Variants in DAB1 observed in about 807,000 individuals in gnomAD.
The protein encoded by DAB1 is DAB adaptor protein 1.
DAB1 carries 15 observed loss-of-function variants against 64.6 expected under a neutral mutation model. The observed-to-expected ratio is 0.23, with a 90% confidence interval of 0.16 to 0.36. DAB1 has a LOEUF of 0.36. Among genes scored for constraint, DAB1 ranks in the 10% least tolerant of loss-of-function variants. The probability of loss-of-function intolerance (pLI) is 1.00; values close to 1 mark genes in which losing one functional copy is unlikely to be tolerated. For missense variants in DAB1, 596 were observed against 706.7 expected (o/e 0.84, Z 1.78); for synonymous variants, 235 against 251.9 (o/e 0.93, Z 0.64).
intron 4 of DAB1, among the ~76,000 whole-genome samples, chr1:58,287,333 A>T (rs1439925873): frequency 1.3e-5 from 2 of 152,188 alleles, no homozygotes; most frequent in Non-Finnish European, 1.5e-5. Flanking sequence ...TAAAATTTAA[A>T]AAAAGATACA....
At chr1:58,437,011 A>C (rs114961683) in intron 3 of DAB1, among the ~76,000 whole-genome samples, 1,549 of 152,348 alleles carry the variant, frequency 0.01, 28 homozygotes, top group African/African-American at 0.036. Context: ...GGACCTCGAC[A>C]ACAGCCCAGT....
At chr1:58,381,059 C>T (rs527776954) in intron 3 of DAB1, among the ~76,000 whole-genome samples, 1 of 152,262 alleles carries the variant, frequency 6.6e-6, no homozygotes, top group East Asian at 1.9e-4. Flanking sequence ...AAACCAAACA[C>T]CACATGTTTT....
chr1:57,735,429 A>G (rs2101780912), intron 6 of DAB1, among the ~76,000 whole-genome samples: 1 of 152,270 alleles, frequency 6.6e-6, no homozygotes, highest in African/African-American at 2.4e-5. Context: ...TTAAGCAGTC[A>G]TTCACTCAGT....
rs1416407122 is a variant in DAB1, at chr1:57,984,248, GAAAGAAAGAA to G, written n.388-100096_388-100087del. ...AGAAAGAAAGAAAGAAAGAAAGAAA[GAAAGAAAGAA>G]AGAAAAAAAATTAAACAGCCAAACC... On this transcript the variant is annotated intron_variant and non_coding_transcript_variant, in intron 5 of 20. Coordinates refer to the DAB1 transcript ENST00000485760. 3.0e-3 allele frequency among the ~76,000 whole-genome samples: 417 copies of G among 139,078 alleles called. 10 individuals are homozygous for G. The highest frequency in any genetic ancestry group is 9.1e-3 in the African/African-American group (338 of 37,114). The allele number at this position is 139,078 out of a possible 152,430, so 91.2% of individuals were successfully genotyped here.
chr1:57,965,933 A>C (rs994193819), intron 5 of DAB1, among the ~76,000 whole-genome samples: 9 of 150,820 alleles, frequency 6.0e-5, no homozygotes, highest in African/African-American at 2.0e-4. Flanking sequence ...ATCATCTTTA[A>C]ATGGCGGGGG....
intron 5 of DAB1, among the ~76,000 whole-genome samples, chr1:57,912,019 T>A (rs1347285546): frequency 6.6e-6 from 1 of 152,230 alleles, no homozygotes; most frequent in Admixed American, 6.5e-5. Context: ...CTGACTGATA[T>A]ACGTCCAGCG....
At chr1:57,950,502 T>C (rs753063443) in intron 5 of DAB1, among the ~76,000 whole-genome samples, 1 of 152,182 alleles carries the variant, frequency 6.6e-6, no homozygotes, top group Non-Finnish European at 1.5e-5. Context: ...TTCTAAAACA[T>C]AAATGGGATC....
At chr1:57,798,813 A>G (rs1650991126) in intron 6 of DAB1, among the ~76,000 whole-genome samples, 1 of 152,156 alleles carries the variant, frequency 6.6e-6, no homozygotes, top group Non-Finnish European at 1.5e-5. Context: ...TAAATAAGGT[A>G]TCTTGTGTTC....
intron 7 of DAB1, among the ~76,000 whole-genome samples, chr1:57,601,606 A>G (rs191690617): frequency 5.3e-4 from 81 of 152,252 alleles, no homozygotes; most frequent in African/African-American, 1.9e-3. Flanking sequence ...ATAATTAATT[A>G]GTTAAAAAAA....
intron 2 of DAB1, among the ~76,000 whole-genome samples, chr1:57,246,988 G>A (rs1287834491): frequency 6.6e-6 from 1 of 152,160 alleles, no homozygotes; most frequent in Non-Finnish European, 1.5e-5. Context: ...AACTTGTTTT[G>A]ATTTTACAGG....
intron 14 of DAB1, among the ~76,000 whole-genome samples, chr1:57,003,448 C>T (rs1287513191): frequency 6.6e-6 from 1 of 152,044 alleles, no homozygotes; most frequent in Admixed American, 6.6e-5. Flanking sequence ...GTTGGGTGAC[C>T]TGTGCAGTTA....
At chr1:57,658,026 C>T (rs1206829041) in intron 6 of DAB1, among the ~76,000 whole-genome samples, 1 of 152,062 alleles carries the variant, frequency 6.6e-6, no homozygotes, top group Non-Finnish European at 1.5e-5. Context: ...TGGTTCTAGA[C>T]CTTGGTGACA....
chr1:58,251,652 T>G (rs1222896773), intron 4 of DAB1, among the ~76,000 whole-genome samples: 1 of 152,044 alleles, frequency 6.6e-6, no homozygotes, highest in African/African-American at 2.4e-5. Context: ...GAGTGATGAG[T>G]TGGTGACACG....
intron 7 of DAB1, among the ~76,000 whole-genome samples, chr1:57,583,489 G>T (rs1033056752): frequency 6.6e-6 from 1 of 151,918 alleles, no homozygotes; most frequent in Non-Finnish European, 1.5e-5. Context: ...GTTTCACCAC[G>T]TTGGCCAAGA....
intron 1 of DAB1, among the ~76,000 whole-genome samples, chr1:57,415,854 G>A (rs1300929266): frequency 1.3e-5 from 2 of 152,048 alleles, no homozygotes; most frequent in African/African-American, 2.4e-5. Flanking sequence ...TCTGTGCAGC[G>A]TTTTTCTATG....
chr1:57,379,741 G>C (rs549471690), intron 1 of DAB1, among the ~76,000 whole-genome samples: 2 of 152,196 alleles, frequency 1.3e-5, no homozygotes, highest in African/African-American at 2.4e-5. Context: ...CACTGGATAC[G>C]GTGTGAACTC....
intron 3 of DAB1, among the ~76,000 whole-genome samples, chr1:58,462,196 G>C (rs964953230): frequency 2.1e-5 from 3 of 143,844 alleles, no homozygotes; most frequent in African/African-American, 7.9e-5. Context: ...GCGCAGTCTC[G>C]GCTCACTGCA....
At chr1:57,836,014 C>T (rs1398119165) in intron 1 of DAB1, among the ~76,000 whole-genome samples, 1 of 152,132 alleles carries the variant, frequency 6.6e-6, no homozygotes, top group African/African-American at 2.4e-5. Context: ...TTCACTGAGG[C>T]TCACTTAAAA....
intron 3 of DAB1, among the ~76,000 whole-genome samples, chr1:58,401,086 C>G (rs1274957588): frequency 6.6e-6 from 1 of 152,156 alleles, no homozygotes; most frequent in Non-Finnish European, 1.5e-5. Context: ...ACATCACAAA[C>G]TGGGGCCAAT....
Sources: gnomAD v4.1 joint callset for allele counts (sites outside exome capture counted in the v4.1 genomes callset) on GRCh38, gnomAD v4.1.1 for gene constraint, MANE v1.5 for transcripts, NCBI Gene and HGNC (gene_info 2026-07-23, HGNC 2026-07-21) for gene names.